Variants in TMEM132D observed in about 807,000 individuals in gnomAD.
TMEM132D encodes transmembrane protein 132D, also known as mature OL transmembrane protein.
Under a neutral mutation model 62.3 loss-of-function variants are expected in TMEM132D, and 21 were observed. The ratio of observed to expected loss-of-function variants is 0.34; its 90% CI spans 0.24 to 0.49. TMEM132D has a LOEUF of 0.49. TMEM132D is among the 20% of genes least tolerant of loss of function. The pLI, the probability that TMEM132D is intolerant of heterozygous loss-of-function variation, is 0.99. For synonymous variants in TMEM132D, 621 were observed against 575.6 expected (o/e 1.08, Z -1.13); for missense variants, 1,346 against 1,402.8 (o/e 0.96, Z 0.65).
At chr12:129,390,002 C>T (rs1871250829) in intron 3 of TMEM132D, among the ~76,000 whole-genome samples, 1 of 152,172 alleles carries the variant, frequency 6.6e-6, no homozygotes, top group African/African-American at 2.4e-5. Flanking sequence ...GTGATATGGC[C>T]GTTCCTGTCG....
chr12:129,155,064 G>C (rs1048286510), intron 5 of TMEM132D, among the ~76,000 whole-genome samples: 12 of 152,250 alleles, frequency 7.9e-5, no homozygotes, highest in Non-Finnish European at 1.8e-4. Context: ...GCACAAACGA[G>C]AGATGCTTGG....
At chr12:129,812,856 C>G (rs765105937) in intron 1 of TMEM132D, among the ~76,000 whole-genome samples, 1 of 151,746 alleles carries the variant, frequency 6.6e-6, no homozygotes. Context: ...TTAAAACCAT[C>G]TACAAGTTGT....
chr12:129,102,904 T>C (rs1053796590), intron 5 of TMEM132D, among the ~76,000 whole-genome samples: 1 of 152,220 alleles, frequency 6.6e-6, no homozygotes. Flanking sequence ...AGAGGCTGCA[T>C]TGCCCAGCAC....
At chr12:129,801,374 C>T (rs2137307447) in intron 1 of TMEM132D, among the ~76,000 whole-genome samples, 1 of 151,210 alleles carries the variant, frequency 6.6e-6, no homozygotes, top group East Asian at 2.0e-4. Flanking sequence ...AAGTGGGTCC[C>T]TGACCCCTGA....
chr12:129,628,557 C>A (rs1451131348), intron 2 of TMEM132D, among the ~76,000 whole-genome samples: 1 of 152,214 alleles, frequency 6.6e-6, no homozygotes, highest in Non-Finnish European at 1.5e-5. Flanking sequence ...GCTGGGAACT[C>A]TGCTAGACTT....
intron 1 of TMEM132D, among the ~76,000 whole-genome samples, chr12:129,870,735 G>A (rs1207049429): frequency 2.6e-5 from 4 of 152,162 alleles, no homozygotes; most frequent in African/African-American, 4.8e-5. Context: ...GTGTAGGCAC[G>A]TTGGACAGAA....
At chr12:129,117,493 C>A (rs1185559933) in intron 5 of TMEM132D, among the ~76,000 whole-genome samples, 2 of 152,196 alleles carry the variant, frequency 1.3e-5, no homozygotes, top group Non-Finnish European at 2.9e-5. Context: ...CTATTTTCCA[C>A]ACACTAATCT....
At position 129,886,915 on chromosome 12, in the gene TMEM132D, C is replaced by G. The variant is rs140156562; in HGVS notation, c.79+16346G>C. The stretch of plus-strand genomic sequence containing the variant: ...GGCACTTCTCCTTGCTGCTGCCATA[C>G]GAAGAACATGTTTACTTCTCCTTCC... On this transcript the variant is annotated intron_variant, in intron 1 of 8. Transcript: ENST00000422113. Among the ~76,000 whole-genome samples the G allele has an allele frequency of 9.7e-3, 1,474 of 152,206 alleles. 20 individuals are homozygous for G. The highest frequency in any genetic ancestry group is 0.034 in the African/African-American group (1,406 of 41,534).
intron 3 of TMEM132D, among the ~76,000 whole-genome samples, chr12:129,446,143 G>T (rs1873092094): frequency 6.6e-6 from 1 of 152,172 alleles, no homozygotes; most frequent in South Asian, 2.1e-4. Context: ...CTAGCAGCTG[G>T]TGGATGTAGG....
At chr12:129,083,748 A>G (rs1161061274) in intron 6 of TMEM132D, among the ~76,000 whole-genome samples, 1 of 152,180 alleles carries the variant, frequency 6.6e-6, no homozygotes, top group African/African-American at 2.4e-5. Flanking sequence ...AGCAATCAAC[A>G]TGTCCCTAAT....
chr12:129,380,806 G>A (rs1173003874), intron 3 of TMEM132D, among the ~76,000 whole-genome samples: 1 of 152,110 alleles, frequency 6.6e-6, no homozygotes, highest in African/African-American at 2.4e-5. Context: ...TGTTACGTAA[G>A]TGGAATTATA....
chr12:129,423,332 G>A (rs1052325130), intron 3 of TMEM132D, among the ~76,000 whole-genome samples: 1 of 152,084 alleles, frequency 6.6e-6, no homozygotes, highest in Non-Finnish European at 1.5e-5. Context: ...AGCCAAGGTG[G>A]AATAACTTGG....
rs528654525 is a variant in TMEM132D, at chr12:129,428,711, T to A, written c.1116-90894A>T. On this transcript the variant is annotated intron_variant, in intron 3 of 8. Transcript: ENST00000422113. ...AGAGGCATTATGTGTTTTATGTAAA[T>A]GTGTGTCTTGGGCATTTTCTCAAGG... is the stretch of plus-strand genomic sequence containing the variant. Among the ~76,000 whole-genome samples, 5 of 152,330 alleles carry A rather than the reference T, an allele frequency of 3.3e-5. No homozygotes were observed. The South Asian group carries it at 1.0e-3, about 32-fold the overall frequency.
intron 1 of TMEM132D, among the ~76,000 whole-genome samples, chr12:129,738,981 A>G (rs183993397): frequency 6.6e-6 from 1 of 152,110 alleles, no homozygotes; most frequent in Admixed American, 6.5e-5. Context: ...TGGAACAGAA[A>G]CTCTCACAGT....
chr12:129,705,484 A>G, intron 1 of TMEM132D, among the ~76,000 whole-genome samples: 1 of 152,362 alleles, frequency 6.6e-6, no homozygotes, highest in African/African-American at 2.4e-5. Flanking sequence ...ATTAAAAAAT[A>G]ATGATAAATA....
intron 1 of TMEM132D, among the ~76,000 whole-genome samples, chr12:129,885,215 T>C (rs2137389147): frequency 6.6e-6 from 1 of 152,342 alleles, no homozygotes; most frequent in South Asian, 2.1e-4. Context: ...AGACCATATG[T>C]ATTTCTCAAA....
intron 2 of TMEM132D, among the ~76,000 whole-genome samples, chr12:129,671,731 T>C (rs895407303): frequency 6.6e-6 from 1 of 152,136 alleles, no homozygotes; most frequent in Non-Finnish European, 1.5e-5. Flanking sequence ...AAGGCCAGCC[T>C]ATGGCCCAAG....
chr12:129,500,851 TTG>T (rs1875117991), intron 3 of TMEM132D, among the ~76,000 whole-genome samples: 1 of 152,226 alleles, frequency 6.6e-6, no homozygotes, highest in African/African-American at 2.4e-5. Context: ...CCCCAGTCCT[TTG>T]TAGGTACCTG....
intron 3 of TMEM132D, among the ~76,000 whole-genome samples, chr12:129,414,551 C>G (rs1872059822): frequency 1.3e-5 from 2 of 152,200 alleles, no homozygotes; most frequent in Non-Finnish European, 2.9e-5. Context: ...TGGGGGGATG[C>G]AGCATGATGT....
Sources: gnomAD v4.1 joint callset for allele counts (sites outside exome capture counted in the v4.1 genomes callset) on GRCh38, gnomAD v4.1.1 for gene constraint, MANE v1.5 for transcripts, NCBI Gene and HGNC (gene_info 2026-07-23, HGNC 2026-07-21) for gene names.